Variants in NPR3 observed in about 807,000 individuals in gnomAD.
NPR3 encodes atrial natriuretic peptide receptor 3.
NPR3 carries 34 observed loss-of-function variants against 54.5 expected under a neutral mutation model. The ratio of observed to expected loss-of-function variants is 0.62; its 90% CI spans 0.47 to 0.83. The LOEUF (loss-of-function observed/expected upper bound fraction) is 0.83. NPR3 is among the 40% of genes least tolerant of loss of function. NPR3 has a pLI of 0.00. For missense variants in NPR3, 674 were observed against 720.8 expected (o/e 0.94, Z 0.74); for synonymous variants, 289 against 297.1 (o/e 0.97, Z 0.28).
intron 1 of NPR3, among the ~76,000 whole-genome samples, chr5:32,696,855 T>C (rs1268281295): frequency 6.6e-6 from 1 of 152,190 alleles, no homozygotes; most frequent in Non-Finnish European, 1.5e-5. Flanking sequence ...TTGTATCTTG[T>C]AACTTTACTG....
intron 1 of NPR3, among the ~76,000 whole-genome samples, chr5:32,695,421 C>G (rs111411637): frequency 6.6e-6 from 1 of 152,186 alleles, no homozygotes; most frequent in East Asian, 1.9e-4. Flanking sequence ...CCCGCCACCA[C>G]GCCCGCCCGG....
intron 1 of NPR3, among the ~76,000 whole-genome samples, chr5:32,692,074 G>C (rs1740407230): frequency 6.6e-6 from 1 of 152,114 alleles, no homozygotes; most frequent in Non-Finnish European, 1.5e-5. Flanking sequence ...AGAGAGCAAC[G>C]AAGGGGCAAA....
At chr5:32,764,541 AC>A (rs780514096) in intron 3 of NPR3, among the ~76,000 whole-genome samples, 18 of 152,000 alleles carry the variant, frequency 1.2e-4, no homozygotes, top group Non-Finnish European at 2.4e-4. Context: ...TAATCCCAGC[AC>A]TTTGGGAGGC....
At chr5:32,757,088 C>CT (rs1487723645) in intron 3 of NPR3, among the ~76,000 whole-genome samples, 1 of 152,276 alleles carries the variant, frequency 6.6e-6, no homozygotes, top group African/African-American at 2.4e-5. Flanking sequence ...GCAATGCCAG[C>CT]TTTTTTCTGG....
In NPR3 at chr5:32,786,411, A is replaced by G. The variant is rs1742634893; in HGVS notation, c.*66A>G. On this transcript the variant is annotated 3_prime_UTR_variant, in exon 8 of 8. Coordinates refer to ENST00000265074, the MANE Select transcript of NPR3 (RefSeq NM_001204375.2). ...TAAGGAGATAGACGGGTTGAAAGAC[A>G]TCAATGAAACAGAAGGGGCGTTCTT... 1 of 690,184 alleles carries G rather than the reference A, an allele frequency of 1.4e-6. No homozygotes were observed. The allele number at this position is 690,184 out of a possible 1,614,324, so 42.8% of individuals were successfully genotyped here. A position where few individuals can be genotyped will look rare whatever the true frequency, so the allele number is the denominator to read the frequency against.
At position 32,743,987 on chromosome 5, in the gene NPR3, A is replaced by ATTT. The variant is rs199604802; in HGVS notation, c.1059+4979_1059+4981dup. The stretch of plus-strand genomic sequence containing the variant: ...GGGGAAATCTATTCCATTCTGATGC[A>ATTT]TTTTTTTTTTTTTTTTTTTTTTTTG... On this transcript the variant is annotated intron_variant, in intron 3 of 7. Transcript: ENST00000265074. 1.4e-3 allele frequency among the ~76,000 whole-genome samples: 155 copies of ATTT among 113,794 alleles called. 5 individuals are homozygous for ATTT. Among genetic ancestry groups the ATTT allele is most frequent in the African/African-American group, 2.8e-3 (82 of 28,864 alleles). 74.7% of individuals were successfully genotyped at this position (113,794 alleles called of 152,430 possible).
chr5:32,777,109 G>C (rs931389571), intron 4 of NPR3, among the ~76,000 whole-genome samples: 1 of 152,214 alleles, frequency 6.6e-6, no homozygotes, highest in African/African-American at 2.4e-5. Context: ...AGCCCGAGAG[G>C]TAATGGGGCC....
intron 3 of NPR3, among the ~76,000 whole-genome samples, chr5:32,768,185 T>A (rs888093447): frequency 3.9e-5 from 6 of 152,128 alleles, no homozygotes; most frequent in African/African-American, 1.4e-4. Context: ...AGCAGTCTTG[T>A]GGGGGTTGGG....
At chr5:32,701,988 TA>T (rs1487921025) in intron 1 of NPR3, among the ~76,000 whole-genome samples, 13 of 152,198 alleles carry the variant, frequency 8.5e-5, no homozygotes, top group Admixed American at 8.5e-4. Context: ...GAAGCGAGCA[TA>T]GCAGTGGGTA....
rs761405935 is a variant in NPR3, at chr5:32,786,364, T to C, written c.*19T>C. On this transcript the variant is annotated 3_prime_UTR_variant, in exon 8 of 8. Coordinates refer to ENST00000265074, the MANE Select transcript of NPR3 (RefSeq NM_001204375.2). ...AGCTTAAAGGAAGCCCCCCACTTTT[T>C]TTTTTTCTGCCTGAGATTCTTTAAG... 2.9e-6 allele frequency: 3 copies of C among 1,033,108 alleles called. No individual in the cohort carries two copies. The highest frequency in any genetic ancestry group is 4.5e-6 in the Non-Finnish European group (3 of 670,544). The allele number at this position is 1,033,108 out of a possible 1,614,324, so 64.0% of individuals were successfully genotyped here.
chr5:32,715,767 T>C (rs1461344813), intron 1 of NPR3, among the ~76,000 whole-genome samples: 2 of 152,248 alleles, frequency 1.3e-5, no homozygotes, highest in Non-Finnish European at 2.9e-5. Flanking sequence ...GCACTTTATA[T>C]GATGCAGAAC....
chr5:32,733,936 T>C (rs1055189393), intron 2 of NPR3, among the ~76,000 whole-genome samples: 3 of 152,230 alleles, frequency 2.0e-5, no homozygotes, highest in Non-Finnish European at 4.4e-5. Flanking sequence ...TTGGATATTG[T>C]TCCTATCATT....
In NPR3 at chr5:32,713,317, T is replaced by A. The variant is rs764727303; in HGVS notation, c.769+772T>A. On this transcript the variant is annotated intron_variant, in intron 1 of 7. Transcript: ENST00000265074. ...CTGTCCCCCAAGTTTTCTCCATGGG[T>A]CTTTGGGTGTTGGAATAAAACCCAA... 43 of 985,292 alleles carry A rather than the reference T, an allele frequency of 4.4e-5. 1 individual carries two copies. Among genetic ancestry groups the A allele is most frequent in the Non-Finnish European group, 5.2e-5 (43 of 829,938 alleles). The allele number at this position is 985,292 out of a possible 1,614,324, so 61.0% of individuals were successfully genotyped here.
At chr5:32,743,555 T>C (rs556204974) in intron 3 of NPR3, among the ~76,000 whole-genome samples, 1 of 152,348 alleles carries the variant, frequency 6.6e-6, no homozygotes, top group South Asian at 2.1e-4. Flanking sequence ...TGTTTCTGAT[T>C]GTAACCATTT....
chr5:32,757,498 G>A (rs1347594594), intron 3 of NPR3, among the ~76,000 whole-genome samples: 2 of 152,180 alleles, frequency 1.3e-5, no homozygotes, highest in African/African-American at 2.4e-5. Flanking sequence ...AGGAGATTTT[G>A]GGCTGAGATG....
intron 1 of NPR3, among the ~76,000 whole-genome samples, chr5:32,720,627 T>G (rs759843450): frequency 1.3e-5 from 2 of 152,208 alleles, no homozygotes; most frequent in African/African-American, 4.8e-5. Flanking sequence ...TACATAAAGT[T>G]ACAGTTACAC....
At chr5:32,712,658 G>A (rs950923293) in intron 1 of NPR3, 113 bp downstream of exon 1, 7 of 1,010,834 alleles carry the variant, frequency 6.9e-6, no homozygotes, top group African/African-American at 1.6e-5. Flanking sequence ...GCTGAGGTCG[G>A]GTGCGCGCGG....
chr5:32,758,803 G>A (rs1279496633), intron 3 of NPR3, among the ~76,000 whole-genome samples: 1 of 152,142 alleles, frequency 6.6e-6, no homozygotes, highest in Non-Finnish European at 1.5e-5. Context: ...GGTATGTTGT[G>A]TCTTTGTTCT....
chr5:32,706,448 G>A (rs757487771), upstream of NPR3, among the ~76,000 whole-genome samples: 16 of 152,212 alleles, frequency 1.1e-4, no homozygotes, highest in Non-Finnish European at 2.2e-4. Flanking sequence ...GGTGGAAGTG[G>A]TCAAGAGCCA....
Sources: allele counts gnomAD v4.1 joint callset (sites outside exome capture counted in the v4.1 genomes callset), GRCh38; gene constraint gnomAD v4.1.1; transcripts MANE v1.5; gene names NCBI Gene and HGNC (gene_info 2026-07-23, HGNC 2026-07-21).